SH2B3: variants seen among roughly 807,000 people sequenced by gnomAD.
SH2B3 encodes the protein SH2B adaptor protein 3.
Under a neutral mutation model 51.9 loss-of-function variants are expected in SH2B3, and 43 were observed. The ratio of observed to expected loss-of-function variants is 0.83; its 90% confidence interval spans 0.65 to 1.07. SH2B3 has a LOEUF of 1.07. SH2B3 is among the 50% of genes least tolerant of loss of function. The probability of loss-of-function intolerance (pLI) is 0.00; values close to 1 mark genes in which losing one functional copy is unlikely to be tolerated. For missense variants in SH2B3, 952 were observed against 834.3 expected (o/e 1.14, Z -1.74); for synonymous variants, 396 against 376.0 (o/e 1.05, Z -0.62).
chr12:111,446,162 G>A (rs1344979117), intron 2 of SH2B3, among the ~76,000 whole-genome samples: 2 of 152,332 alleles, frequency 1.3e-5, no homozygotes, highest in Non-Finnish European at 1.5e-5. Flanking sequence ...ATTCCCAACC[G>A]GAAGCAGCTG....
rs1874429987 is a variant in SH2B3 at position 111,449,954 on chromosome 12, G to C, written c.*1652G>C. The stretch of plus-strand genomic sequence containing the variant: ...TTCTTTTTTTTTTTTTTGAGATGGA[G>C]TTTCTCTTGTCAACCGGGCTGGAGT... On this transcript the variant is annotated 3_prime_UTR_variant, in exon 8 of 8. Coordinates refer to ENST00000341259, the MANE Select transcript of SH2B3 (RefSeq NM_005475.3). The C allele has an allele frequency of 6.6e-6, 1 of 150,898 alleles. No individual in the cohort carries two copies. Among genetic ancestry groups the C allele is most frequent in the Non-Finnish European group, 1.5e-5 (1 of 67,822 alleles). The allele number at this position is 150,898 out of a possible 1,614,324, so 9.3% of individuals were successfully genotyped here.
intron 1 of SH2B3, among the ~76,000 whole-genome samples, chr12:111,417,032 G>A (rs965669845): frequency 6.6e-6 from 1 of 152,108 alleles, no homozygotes; most frequent in African/African-American, 2.4e-5. Context: ...GTATGTTCAT[G>A]TAAATGGGAT....
Position 111,418,640 on chromosome 12 carries a change from C to A in SH2B3, c.495C>A (p.Thr165=), listed in dbSNP as rs1871288924. Residue 165 remains threonine (T), a synonymous_variant, in exon 2 of 8, where the codon ACC becomes ACA. Transcript: ENST00000341259. The surrounding 1 kb of genome is among the most constrained non-coding windows in gnomAD (Gnocchi z 6.7). ...PAAHTAAAPG[T]PGEAAETPAR... is the part of the protein sequence containing the mutation. Reference sequence around the variant, plus strand: ...CCCACACCGCTGCCGCCCCCGGGACCCCCGGAGAGGCTGCTGAGACCCCCG... The same window carrying A: ...CCCACACCGCTGCCGCCCCCGGGACACCCGGAGAGGCTGCTGAGACCCCCG... 7 of 1,476,064 alleles carry A rather than the reference C, an allele frequency of 4.7e-6. No homozygotes were observed. The highest frequency in any genetic ancestry group is 6.2e-6 in the Non-Finnish European group (7 of 1,122,976). 91.4% of individuals were successfully genotyped at this position (1,476,064 alleles called of 1,614,324 possible).
At position 111,418,970 on chromosome 12, in the gene SH2B3, C is replaced by T; in HGVS notation, c.732+93C>T. On this transcript the variant is annotated intron_variant, in intron 2 of 7. Transcript: ENST00000341259. The surrounding 1 kb of genome is among the most constrained non-coding windows in gnomAD (Gnocchi z 6.7). ...CGGGCTGGGGAGGTGTGATGGCTTT[C>T]CAGCTGGTGGCCACAGAGTGTCCAG... The T allele has an allele frequency of 1.6e-6, 2 of 1,215,742 alleles. No homozygotes were observed. Among genetic ancestry groups the T allele is most frequent in the Non-Finnish European group, 1.1e-6 (1 of 941,346 alleles). 75.3% of individuals were successfully genotyped at this position (1,215,742 alleles called of 1,614,324 possible). A position where few individuals can be genotyped will look rare whatever the true frequency, so the allele number is the denominator to read the frequency against.
chr12:111,442,543 C>T (rs1314319881), intron 2 of SH2B3, among the ~76,000 whole-genome samples: 1 of 152,190 alleles, frequency 6.6e-6, no homozygotes, highest in African/African-American at 2.4e-5. Context: ...CCTGGGGGTT[C>T]CCGGGGGTGG....
rs894191081 is a variant in SH2B3, at chr12:111,438,629, C to T, written c.733-8124C>T. Among the ~76,000 whole-genome samples, 5 of 152,310 alleles carry T rather than the reference C, an allele frequency of 3.3e-5. No homozygotes were observed. The highest frequency in any genetic ancestry group is 3.9e-4 in the East Asian group (2 of 5,172). On this transcript the variant is annotated intron_variant, in intron 2 of 7. Transcript: ENST00000341259. The surrounding 1 kb of genome is among the most constrained non-coding windows in gnomAD (Gnocchi z 4.2). Reference sequence around the variant, plus strand: ...CACTGGCTCGCGGCCAAGGACACCACGTGAGCAAAGCCAAGTCACGGCAGA... The same window carrying T: ...CACTGGCTCGCGGCCAAGGACACCATGTGAGCAAAGCCAAGTCACGGCAGA...
At position 111,407,671 on chromosome 12, in the gene SH2B3, C is replaced by G. The variant is rs749806084; in HGVS notation, c.-28+1394C>G. Among the ~76,000 whole-genome samples the G allele has an allele frequency of 6.6e-6, 1 of 152,224 alleles. No individual in the cohort carries two copies. The highest frequency in any genetic ancestry group is 1.5e-5 in the Non-Finnish European group (1 of 68,044). ...TTCCTGAGCCTTTTCCCACTACCCC[C>G]TCTGGGAGGGAAAATCCTTCTGAGC... On this transcript the variant is annotated intron_variant, in intron 1 of 7. Transcript: ENST00000341259. This position sits in a 1 kb window ranked among gnomAD's most constrained non-coding sequence, Gnocchi z 4.3.
chr12:111,448,424 C>T lies in SH2B3; in HGVS notation c.*122C>T. 2.5e-6 allele frequency: 2 copies of T among 792,834 alleles called. No homozygotes were observed. Among genetic ancestry groups the T allele is most frequent in the Non-Finnish European group, 4.0e-6 (2 of 504,072 alleles). The allele number at this position is 792,834 out of a possible 1,614,324, so 49.1% of individuals were successfully genotyped here. On this transcript the variant is annotated 3_prime_UTR_variant, in exon 8 of 8. Coordinates refer to ENST00000341259, the MANE Select transcript of SH2B3 (RefSeq NM_005475.3). ...AAGATTTAAGGGACACTGTTAACTG[C>T]TCGTGCCAGTTTGGAAGTGACCCTT...
At chr12:111,420,720 C>T (rs1871480901) in intron 2 of SH2B3, among the ~76,000 whole-genome samples, 1 of 152,160 alleles carries the variant, frequency 6.6e-6, no homozygotes, top group South Asian at 2.1e-4. Flanking sequence ...CCAGGCGGGC[C>T]TAGTGGAGGC....
intron 2 of SH2B3, among the ~76,000 whole-genome samples, chr12:111,419,899 C>T (rs551507483): frequency 3.9e-4 from 60 of 152,310 alleles, no homozygotes; most frequent in African/African-American, 1.3e-3. Flanking sequence ...TCTCCTTAGG[C>T]GCCTCTTGGC....
chr12:111,427,814 C>G (rs1041086313), intron 2 of SH2B3, among the ~76,000 whole-genome samples: 2 of 152,234 alleles, frequency 1.3e-5, no homozygotes, highest in Non-Finnish European at 2.9e-5. Context: ...ATTTATTGGG[C>G]TTTCCTTATA....
rs959634706 is a variant in SH2B3, at chr12:111,406,989, A to G, written c.-28+712A>G. ...TGTTGGTCTTCTAGATCCGCACGGTAGGGATGGTATTTCAGAGGTCTCTGA... is the reference window on the plus strand; with the variant it reads ...TGTTGGTCTTCTAGATCCGCACGGTGGGGATGGTATTTCAGAGGTCTCTGA... On this transcript the variant is annotated intron_variant, in intron 1 of 7. Transcript: ENST00000341259. The surrounding 1 kb of genome is among the most constrained non-coding windows in gnomAD (Gnocchi z 5.7). 4.6e-5 allele frequency among the ~76,000 whole-genome samples: 7 copies of G among 152,144 alleles called. No homozygotes were observed. Among genetic ancestry groups the G allele is most frequent in the African/African-American group, 1.4e-4 (6 of 41,428 alleles).
In SH2B3 at chr12:111,445,183, G is replaced by C. The variant is rs1276742869; in HGVS notation, c.733-1570G>C. ...AGGCCTGGAGCGGAACTGAAAGGGA[G>C]ACTAGGCCCGTTCCCCTCCAGGCCT... On this transcript the variant is annotated intron_variant, in intron 2 of 7. Transcript: ENST00000341259. Among the ~76,000 whole-genome samples, 5 of 152,196 alleles carry C rather than the reference G, an allele frequency of 3.3e-5. No individual in the cohort carries two copies. The East Asian group carries it at 9.6e-4, about 29-fold the overall frequency.
chr12:111,418,493 C>G lies in SH2B3; in HGVS notation c.348C>G (p.Pro116=). The G allele has an allele frequency of 1.0e-5, 14 of 1,374,164 alleles. No individual in the cohort carries two copies. Among genetic ancestry groups the G allele is most frequent in the Non-Finnish European group, 1.3e-5 (14 of 1,068,146 alleles). 85.1% of individuals were successfully genotyped at this position (1,374,164 alleles called of 1,614,324 possible). The part of the protein sequence containing the change: ...PGPGPAAPGL[P]KARSSEELAP... ...CCGGCCCCGCCGCCCCTGGCCTGCCCAAGGCCCGCAGCTCTGAGGAGCTGG... is the reference window on the plus strand; with the variant it reads ...CCGGCCCCGCCGCCCCTGGCCTGCCGAAGGCCCGCAGCTCTGAGGAGCTGG... Residue 116 remains proline (P), a synonymous_variant, in exon 2 of 8, where the codon CCC becomes CCG. Coordinates refer to ENST00000341259, the MANE Select transcript of SH2B3 (RefSeq NM_005475.3). The surrounding 1 kb of genome is among the most constrained non-coding windows in gnomAD (Gnocchi z 6.7).
chr12:111,447,732 T>C lies in SH2B3; in HGVS notation c.1313T>C (p.Leu438Pro), dbSNP rs1458654949. ...HLHFPSVVDM[L>P]HHFQRSPIPL... is the part of the protein sequence containing the mutation. ...CACTTTCCCTCGGTCGTGGACATGC[T>C]CCACCACTTCCAGCGCTCGCCCATC... The change falls in exon 7 of 8, where the codon CTC (leucine) becomes CCC (proline). Residue 438 changes from leucine (L) to proline (P), a missense_variant. Coordinates refer to ENST00000341259, the MANE Select transcript of SH2B3 (RefSeq NM_005475.3). The C allele has an allele frequency of 6.2e-7, 1 of 1,614,058 alleles. No homozygotes were observed. The highest frequency in any genetic ancestry group is 2.2e-5 in the East Asian group (1 of 44,880).
At position 111,418,661 on chromosome 12, in the gene SH2B3, C is replaced by T. The variant is rs766759327; in HGVS notation, c.516C>T (p.Thr172=). 6.7e-6 allele frequency: 10 copies of T among 1,486,464 alleles called. No individual in the cohort carries two copies. Among genetic ancestry groups the T allele is most frequent in the Non-Finnish European group, 7.1e-6 (8 of 1,127,254 alleles). The allele number at this position is 1,486,464 out of a possible 1,614,324, so 92.1% of individuals were successfully genotyped here. Residue 172 remains threonine, a synonymous_variant, in exon 2 of 8, where the codon ACC becomes ACT. Transcript: ENST00000341259. This position sits in a 1 kb window ranked among gnomAD's most constrained non-coding sequence, Gnocchi z 6.7. ...APGTPGEAAE[T]PARPGLAKKF... ...GGACCCCCGGAGAGGCTGCTGAGAC[C>T]CCCGCCCGGCCTGGCCTGGCCAAGA...
chr12:111,417,851 A>G (rs1000508115), intron 1 of SH2B3, among the ~76,000 whole-genome samples: 3 of 152,178 alleles, frequency 2.0e-5, no homozygotes, highest in Non-Finnish European at 4.4e-5. Context: ...AATTTTGTCA[A>G]ATACTCTCTC....
chr12:111,449,928 T>G lies in SH2B3; in HGVS notation c.*1626T>G, dbSNP rs1848282305. 6.6e-6 allele frequency: 1 copy of G among 151,778 alleles called. No homozygotes were observed. Among genetic ancestry groups the G allele is most frequent in the Admixed American group, 6.6e-5 (1 of 15,218 alleles). 9.4% of individuals were successfully genotyped at this position (151,778 alleles called of 1,614,324 possible). A position where few individuals can be genotyped will look rare whatever the true frequency, so the allele number is the denominator to read the frequency against. The stretch of plus-strand genomic sequence containing the variant: ...GTGGGGGAACAAACCCCTATGCACT[T>G]TTCTTTTTTTTTTTTTTGAGATGGA... On this transcript the variant is annotated 3_prime_UTR_variant, in exon 8 of 8. Coordinates refer to ENST00000341259, the MANE Select transcript of SH2B3 (RefSeq NM_005475.3).
intron 2 of SH2B3, among the ~76,000 whole-genome samples, chr12:111,424,885 G>GT (rs1871868674): frequency 1.3e-5 from 2 of 152,240 alleles, no homozygotes; most frequent in Non-Finnish European, 2.9e-5. Context: ...CCAGTGGGTG[G>GT]TGGCGAAGGG....
Sources: gnomAD v4.1 joint callset for allele counts (sites outside exome capture counted in the v4.1 genomes callset) on GRCh38, gnomAD v4.1.1 for gene constraint, Gnocchi (gnomAD v3.1) non-coding constraint, MANE v1.5 for transcripts, NCBI Gene and HGNC (gene_info 2026-07-23, HGNC 2026-07-21) for gene names.